LINGO2: variants seen among roughly 807,000 people sequenced by gnomAD.
The protein encoded by LINGO2 is leucine rich repeat and Ig domain containing 2.
A neutral mutation model predicts 30.6 loss-of-function variants in LINGO2; 14 were observed. The ratio of observed to expected loss-of-function variants is 0.46; its 90% CI spans 0.30 to 0.72. The LOEUF is 0.72. Ranked by LOEUF, LINGO2 falls within the 30% of genes least tolerant of loss-of-function variation. LINGO2 has a pLI of 0.07. For missense variants in LINGO2, 729 were observed against 751.7 expected, an observed-to-expected ratio of 0.97 and a Z score of 0.35; for synonymous variants, 317 against 288.5, an observed-to-expected ratio of 1.10 and a Z score of -1.00.
intron 1 of LINGO2, among the ~76,000 whole-genome samples, chr9:28,494,869 T>G (rs902881042): frequency 6.6e-6 from 1 of 152,214 alleles, no homozygotes; most frequent in Non-Finnish European, 1.5e-5. Flanking sequence ...CCACATCCTC[T>G]CCAGCACCTG....
the LINGO2 span, among the ~76,000 whole-genome samples, chr9:29,071,406 T>C: frequency 5.3e-4 from 79 of 149,352 alleles, 1 homozygote; most frequent in Non-Finnish European, 8.6e-4. Context: ...TCTCCAAGGA[T>C]AAAACTGCAT....
the LINGO2 span, among the ~76,000 whole-genome samples, chr9:29,211,929 T>A: frequency 6.6e-6 from 1 of 152,156 alleles, no homozygotes; most frequent in South Asian, 2.1e-4. Flanking sequence ...CGAATACACA[T>A]ACAACAGAGC....
At chr9:28,650,036 GA>G (rs751294660) in intron 1 of LINGO2, among the ~76,000 whole-genome samples, 167 of 140,862 alleles carry the variant, frequency 1.2e-3, no homozygotes, top group African/African-American at 3.5e-3. Context: ...ACTGGCAGGG[GA>G]AAAAAAAAAA....
intron 5 of LINGO2, among the ~76,000 whole-genome samples, chr9:27,993,993 G>A (rs1048360697): frequency 6.6e-6 from 1 of 151,348 alleles, no homozygotes; most frequent in Non-Finnish European, 1.5e-5. Context: ...TAAAAATAAC[G>A]AGGAACTTTG....
chr9:28,351,143 T>A (rs1268987988), intron 3 of LINGO2, among the ~76,000 whole-genome samples: 4 of 150,550 alleles, frequency 2.7e-5, no homozygotes, highest in African/African-American at 7.3e-5. Context: ...AAGAAATAAC[T>A]AAAATCAGAG....
intron 3 of LINGO2, among the ~76,000 whole-genome samples, chr9:28,357,802 G>T (rs1198324051): frequency 6.6e-6 from 1 of 152,000 alleles, no homozygotes; most frequent in African/African-American, 2.4e-5. Context: ...AACTTATCAT[G>T]GAGCATTAAT....
the LINGO2 span, among the ~76,000 whole-genome samples, chr9:28,952,709 T>TA: frequency 6.6e-6 from 1 of 152,114 alleles, no homozygotes; most frequent in East Asian, 1.9e-4. Flanking sequence ...GTAGCCACGT[T>TA]AGACCATCCA....
intron 4 of LINGO2, among the ~76,000 whole-genome samples, chr9:28,177,452 T>C (rs1291228181): frequency 1.3e-5 from 2 of 152,300 alleles, no homozygotes; most frequent in East Asian, 1.9e-4. Context: ...TCTGAGTTCA[T>C]AGATACATGT....
At chr9:28,477,359 C>T (rs1825771275) in intron 1 of LINGO2, among the ~76,000 whole-genome samples, 1 of 151,946 alleles carries the variant, frequency 6.6e-6, no homozygotes, top group Admixed American at 6.6e-5. Flanking sequence ...AAAAATGAGG[C>T]ACAGTTTAAG....
chr9:28,028,932 T>A (rs1173731796), intron 4 of LINGO2, among the ~76,000 whole-genome samples: 2 of 152,058 alleles, frequency 1.3e-5, no homozygotes, highest in Non-Finnish European at 2.9e-5. Context: ...CAATTTAATC[T>A]TGGTACAGCA....
At chr9:28,851,022 C>G in the LINGO2 span, among the ~76,000 whole-genome samples, 1 of 151,878 alleles carries the variant, frequency 6.6e-6, no homozygotes, top group African/African-American at 2.4e-5. Flanking sequence ...TAAGAGTGTG[C>G]AAAAAGATAG....
intron 3 of LINGO2, among the ~76,000 whole-genome samples, chr9:28,356,001 C>G (rs1820194604): frequency 6.6e-6 from 1 of 152,108 alleles, no homozygotes; most frequent in South Asian, 2.1e-4. Context: ...ATGACACTTA[C>G]AGCATTTAGT....
chr9:28,144,832 TACA>T (rs1297830453), intron 4 of LINGO2, among the ~76,000 whole-genome samples: 1 of 152,180 alleles, frequency 6.6e-6, no homozygotes, highest in Non-Finnish European at 1.5e-5. Flanking sequence ...ATTAAAGAAG[TACA>T]ACAAGGATGT....
At chr9:28,060,000 T>G (rs1825093388) in intron 4 of LINGO2, among the ~76,000 whole-genome samples, 1 of 152,062 alleles carries the variant, frequency 6.6e-6, no homozygotes, top group South Asian at 2.1e-4. Flanking sequence ...TGATCCTTAG[T>G]GTCAGTTTCT....
At chr9:28,914,890 T>C in the LINGO2 span, among the ~76,000 whole-genome samples, 1 of 152,212 alleles carries the variant, frequency 6.6e-6, no homozygotes. Context: ...CCCAGCACTT[T>C]GGGAGGCCGA....
At chr9:28,355,326 T>A (rs1192112739) in intron 3 of LINGO2, among the ~76,000 whole-genome samples, 2 of 98,196 alleles carry the variant, frequency 2.0e-5, no homozygotes, top group Non-Finnish European at 4.8e-5. Context: ...TCTCTCTCTC[T>A]GTCTCTGTCT....
the LINGO2 span, among the ~76,000 whole-genome samples, chr9:28,797,353 T>TAG: frequency 0.012 from 743 of 60,820 alleles, 2 homozygotes; most frequent in African/African-American, 0.021. Context: ...TATATATATA[T>TAG]ATATATAGAG....
chr9:29,085,646 G>C, the LINGO2 span, among the ~76,000 whole-genome samples: 3 of 152,192 alleles, frequency 2.0e-5, no homozygotes, highest in Admixed American at 2.0e-4. Context: ...TTTACTCTTA[G>C]AAGCCCTATC....
chr9:28,612,258 T>C (rs1825951549), intron 1 of LINGO2, among the ~76,000 whole-genome samples: 1 of 152,154 alleles, frequency 6.6e-6, no homozygotes, highest in Admixed American at 6.6e-5. Flanking sequence ...AGATGAGTTC[T>C]TGCTATATTG....
Sources: gnomAD v4.1 joint callset for allele counts (sites outside exome capture counted in the v4.1 genomes callset) on GRCh38, gnomAD v4.1.1 for gene constraint, MANE v1.5 for transcripts, NCBI Gene and HGNC (gene_info 2026-07-23, HGNC 2026-07-21) for gene names.